Variants in SLC20A1 observed in about 807,000 individuals in gnomAD.
SLC20A1 encodes the protein solute carrier family 20 member 1.
SLC20A1 carries 28 observed loss-of-function variants against 62.7 expected under a neutral mutation model. The ratio of observed to expected loss-of-function variants is 0.45; its 90% CI spans 0.33 to 0.61. SLC20A1 has a LOEUF of 0.61. Among genes scored for constraint, SLC20A1 ranks in the 20% least tolerant of loss-of-function variants. The pLI, the probability that SLC20A1 is intolerant of heterozygous loss-of-function variation, is 0.02. For synonymous variants in SLC20A1, 305 were observed against 302.9 expected (o/e 1.01, Z -0.07); for missense variants, 673 against 838.6 (o/e 0.80, Z 2.44).
chr2:112,653,096 G>T (rs749509252), intron 5 of SLC20A1: 2 of 511,266 alleles, frequency 3.9e-6, no homozygotes, highest in Non-Finnish European at 6.9e-6. Context: ...AAAAATGCTG[G>T]AATTAATACT....
At chr2:112,652,566 ACT>A (rs1384798492) in intron 4 of SLC20A1, 134 bp from the exon 5 acceptor site, 6 of 664,472 alleles carry the variant, frequency 9.0e-6, no homozygotes, top group East Asian at 8.0e-5. Context: ...TGCAGGAAAA[ACT>A]CTGTTGTCCT....
chr2:112,655,031 C>T (rs1037863141), intron 5 of SLC20A1, among the ~76,000 whole-genome samples: 1 of 134,496 alleles, frequency 7.4e-6, no homozygotes, highest in Non-Finnish European at 1.5e-5. Context: ...TGCAGTGGTG[C>T]GAACTTGGGT....
At position 112,663,159 on chromosome 2, in the gene SLC20A1, T is replaced by A; in HGVS notation, c.*134T>A. Reference sequence around the variant, plus strand: ...TTTGGGAGCCAGAGGAGGGAAGTGTTACTTGTGCTATAACTGCTTTTGTGC... The same window carrying A: ...TTTGGGAGCCAGAGGAGGGAAGTGTAACTTGTGCTATAACTGCTTTTGTGC... On this transcript the variant is annotated 3_prime_UTR_variant, in exon 11 of 11. Transcript: ENST00000272542. 9.7e-7 allele frequency: 1 copy of A among 1,034,730 alleles called. No homozygotes were observed. Among genetic ancestry groups the A allele is most frequent in the South Asian group, 1.3e-5 (1 of 78,276 alleles). 64.1% of individuals were successfully genotyped at this position (1,034,730 alleles called of 1,614,324 possible).
rs151199405 is a variant in SLC20A1 at position 112,662,996 on chromosome 2, A to G, written c.2011A>G (p.Ile671Val). The G allele has an allele frequency of 4.3e-4, 697 of 1,614,152 alleles. 4 individuals carry two copies. Among genetic ancestry groups the G allele is most frequent in the South Asian group, 3.7e-3 (334 of 91,076 alleles). Reference protein sequence around the residue: ...SGVISAAIMAIFRYVILRM With the variant: ...SGVISAAIMAVFRYVILRM ...AGTTATCAGTGCTGCCATCATGGCA[A>G]TCTTCAGATATGTCATCCTCAGAAT... is the stretch of plus-strand genomic sequence containing the variant. The change falls in exon 11 of 11, where the codon ATC (isoleucine) becomes GTC (valine). Residue 671 changes from isoleucine to valine, a missense_variant. Coordinates refer to ENST00000272542, the MANE Select transcript of SLC20A1 (RefSeq NM_005415.5).
rs369254653 is a variant in SLC20A1 at position 112,647,727 on chromosome 2, A to G, written c.550A>G (p.Ile184Val). The change falls in exon 4 of 11, where the codon ATC (isoleucine) becomes GTC (valine). Residue 184 changes from isoleucine (I) to valine (V), a missense_variant. By Grantham distance (29) the Ile-to-Val change is conservative. Coordinates refer to ENST00000272542, the MANE Select transcript of SLC20A1 (RefSeq NM_005415.5). ...TTTATTCTTCCTGGTTCGTGCATTC[A>G]TCCTCCATAAGGTAACCTTTCTCCC... ...GILFFLVRAFILHKADPVPNG... is the reference protein window; with the variant it reads ...GILFFLVRAFVLHKADPVPNG... 17 of 1,613,456 alleles carry G rather than the reference A, an allele frequency of 1.1e-5. No individual in the cohort carries two copies. The highest frequency in any genetic ancestry group is 2.2e-5 in the East Asian group (1 of 44,896).
chr2:112,659,594 T>C lies in SLC20A1; in HGVS notation c.1439T>C (p.Ile480Thr). The C allele has an allele frequency of 6.2e-7, 1 of 1,614,216 alleles. No individual in the cohort carries two copies. The highest frequency in any genetic ancestry group is 2.2e-5 in the East Asian group (1 of 44,890). Residue 480 changes from isoleucine (I) to threonine (T), a missense_variant, in exon 8 of 11, where the codon ATA (isoleucine) becomes ACA (threonine). Physicochemically the swap from Ile to Thr is moderately conservative, Grantham distance 89. Coordinates refer to ENST00000272542, the MANE Select transcript of SLC20A1 (RefSeq NM_005415.5). ...AVSDLHSASE[I>T]DMSVKAEMGL... ...TCTGACCTTCACTCAGCATCTGAGA[T>C]AGACATGAGTGTCAAGGCAGAGATG...
intron 5 of SLC20A1, among the ~76,000 whole-genome samples, chr2:112,656,813 C>T (rs1185012970): frequency 2.0e-5 from 3 of 152,144 alleles, no homozygotes; most frequent in Admixed American, 1.3e-4. Context: ...AGGTCCTTAG[C>T]GTGTAGTGAT....
At chr2:112,651,195 A>G (rs141481026) in intron 4 of SLC20A1, among the ~76,000 whole-genome samples, 107 of 152,226 alleles carry the variant, frequency 7.0e-4, no homozygotes, top group Non-Finnish European at 1.3e-3. Flanking sequence ...TACTTTACAC[A>G]TGGGTCTGAG....
Position 112,657,228 on chromosome 2 carries a change from G to T in SLC20A1, c.765G>T (p.Lys255Asn). The stretch of plus-strand genomic sequence containing the variant: ...GGTTCTTTGTATGTCCCAGGATGAA[G>T]AGAAAAATTGAACGTAAGTAATAAC... ...IVWFFVCPRMKRKIEREIKCS... is the reference protein window; with the variant it reads ...IVWFFVCPRMNRKIEREIKCS... Residue 255 changes from lysine to asparagine, a missense_variant, in exon 6 of 11, where the codon AAG becomes AAT. By Grantham distance (94) the Lys-to-Asn change is moderately conservative. Coordinates refer to ENST00000272542, the MANE Select transcript of SLC20A1 (RefSeq NM_005415.5). 6.2e-7 allele frequency: 1 copy of T among 1,613,056 alleles called. No homozygotes were observed.
intron 9 of SLC20A1, 167 bp from the exon 10 acceptor site, chr2:112,660,975 G>A (rs1686733636): frequency 2.0e-6 from 1 of 508,568 alleles, no homozygotes; most frequent in Non-Finnish European, 3.5e-6. Context: ...GGGCATCTGT[G>A]GCCTGATTTA....
At chr2:112,657,309 T>C (rs1686618677) in intron 6 of SLC20A1, 68 bp downstream of exon 6, 6 of 1,479,724 alleles carry the variant, frequency 4.1e-6, no homozygotes, top group Non-Finnish European at 5.5e-6. Context: ...TTTGGCCACC[T>C]GTAAAAATCT....
chr2:112,660,317 C>G (rs140057486), intron 8 of SLC20A1, 70 bp from the exon 9 acceptor site: 14 of 1,337,346 alleles, frequency 1.0e-5, no homozygotes, highest in Middle Eastern at 1.9e-4. Flanking sequence ...GTAGATCATT[C>G]AGCAGATTGG....
At position 112,660,730 on chromosome 2, in the gene SLC20A1, C is replaced by T. The variant is rs1021074427; in HGVS notation, c.1793+158C>T. 29 of 676,844 alleles carry T rather than the reference C, an allele frequency of 4.3e-5. No individual in the cohort carries two copies. The East Asian group carries it at 7.8e-4, about 18-fold the overall frequency. 41.9% of individuals were successfully genotyped at this position (676,844 alleles called of 1,614,324 possible). A position where few individuals can be genotyped will look rare whatever the true frequency, so the allele number is the denominator to read the frequency against. ...CTTTTTAGATTTTACTTGTCTGGCC[C>T]TTAAACATTTTGGTCAGACATTTTA... is the stretch of plus-strand genomic sequence containing the variant. On this transcript the variant is annotated intron_variant, in intron 9 of 10. Coordinates refer to ENST00000272542, the MANE Select transcript of SLC20A1 (RefSeq NM_005415.5).
intron 10 of SLC20A1, 114 bp from the exon 11 acceptor site, chr2:112,662,750 A>G: frequency 9.7e-7 from 1 of 1,026,998 alleles, no homozygotes; most frequent in South Asian, 1.6e-5. Flanking sequence ...GCTTTCTTGG[A>G]CTTTGTCTTG....
chr2:112,646,370 G>C (rs960848719), intron 1 of SLC20A1, among the ~76,000 whole-genome samples, 193 bp from the exon 2 acceptor site: 1 of 151,992 alleles, frequency 6.6e-6, no homozygotes, highest in East Asian at 1.9e-4. Context: ...CAGCGCAGGG[G>C]CTGGGCTGGG....
At chr2:112,661,111 C>T (rs997606508) in intron 9 of SLC20A1, 31 bp from the exon 10 acceptor site, 3 of 1,585,660 alleles carry the variant, frequency 1.9e-6, no homozygotes, top group African/African-American at 2.7e-5. Context: ...GTCAAACTCA[C>T]TTCCTGACAA....
At position 112,662,983 on chromosome 2, in the gene SLC20A1, T is replaced by C. The variant is rs1415319546; in HGVS notation, c.1998T>C (p.Ala666=). The C allele has an allele frequency of 6.2e-7, 1 of 1,614,120 alleles. No homozygotes were observed. Among genetic ancestry groups the C allele is most frequent in the Non-Finnish European group, 8.5e-7 (1 of 1,180,040 alleles). ...TCCCCATTTCTGGAGTTATCAGTGC[T>C]GCCATCATGGCAATCTTCAGATATG... ...VTVPISGVIS[A]AIMAIFRYVI... Residue 666 remains alanine, a synonymous_variant, in exon 11 of 11, where the codon GCT becomes GCC. Coordinates refer to ENST00000272542, the MANE Select transcript of SLC20A1 (RefSeq NM_005415.5).
intron 9 of SLC20A1, 29 bp downstream of exon 9, chr2:112,660,601 G>C: frequency 1.9e-6 from 3 of 1,586,598 alleles, no homozygotes; most frequent in Non-Finnish European, 2.6e-6. Flanking sequence ...TTCTACAAAT[G>C]TCAGTACTCA....
chr2:112,649,184 C>T (rs1366926813), intron 4 of SLC20A1, among the ~76,000 whole-genome samples: 3 of 152,234 alleles, frequency 2.0e-5, no homozygotes, highest in African/African-American at 2.4e-5. Flanking sequence ...TTGAGGAATG[C>T]ATACCCCCAC....
Sources: gnomAD v4.1 joint callset for allele counts (sites outside exome capture counted in the v4.1 genomes callset) on GRCh38, gnomAD v4.1.1 for gene constraint, MANE v1.5 for transcripts, NCBI Gene and HGNC (gene_info 2026-07-23, HGNC 2026-07-21) for gene names.